The following LPCAT2 variants were observed in gnomAD, a reference collection of about 807,000 sequenced individuals.
The protein encoded by LPCAT2 is lysophosphatidylcholine acyltransferase 2, also known as 1-AGP acyltransferase 11.
Under a neutral mutation model 64.7 loss-of-function variants are expected in LPCAT2, and 58 were observed. The ratio of observed to expected loss-of-function variants is 0.90; its 90% CI spans 0.73 to 1.12. The LOEUF is 1.12. Among genes scored for constraint, LPCAT2 ranks in the 50% most tolerant of loss-of-function variants. The probability of loss-of-function intolerance (pLI) is 0.00; values close to 1 mark genes in which losing one functional copy is unlikely to be tolerated. For synonymous variants in LPCAT2, 252 were observed against 245.3 expected (o/e 1.03, Z -0.26); for missense variants, 579 against 669.8 (o/e 0.86, Z 1.50).
intron 9 of LPCAT2, among the ~76,000 whole-genome samples, chr16:55,547,024 G>A (rs1223648018): frequency 6.6e-6 from 1 of 152,122 alleles, no homozygotes; most frequent in East Asian, 1.9e-4. Context: ...GCAAGCGCCT[G>A]TAATCCCAGC....
chr16:55,577,158 C>T (rs1274080970), intron 12 of LPCAT2, among the ~76,000 whole-genome samples: 4 of 152,262 alleles, frequency 2.6e-5, no homozygotes, highest in South Asian at 2.1e-4. Flanking sequence ...ACTATTGTAT[C>T]CCCTAACTAG....
intron 1 of LPCAT2, among the ~76,000 whole-genome samples, chr16:55,522,222 A>G (rs1490203957): frequency 1.3e-5 from 2 of 151,764 alleles, no homozygotes; most frequent in Non-Finnish European, 3.0e-5. Flanking sequence ...TTGCAAAATG[A>G]AATCAAGTAA....
chr16:55,579,010 C>T, intron 12 of LPCAT2, 99 bp from the exon 13 acceptor site: 2 of 1,091,388 alleles, frequency 1.8e-6, no homozygotes, highest in Non-Finnish European at 2.7e-6. Flanking sequence ...TAGCCCTTGC[C>T]ACAGTAGATG....
At chr16:55,561,250 C>T (rs1963632480) in intron 11 of LPCAT2, among the ~76,000 whole-genome samples, 1 of 151,702 alleles carries the variant, frequency 6.6e-6, no homozygotes, top group South Asian at 2.1e-4. Context: ...CATTTTTGGA[C>T]TATTTTGAAT....
intron 10 of LPCAT2, 150 bp from the exon 11 acceptor site, chr16:55,550,799 G>A: frequency 1.1e-5 from 6 of 551,800 alleles, no homozygotes; most frequent in Non-Finnish European, 1.8e-5. Flanking sequence ...TGTTGAATAT[G>A]TGCTTTTAAG....
At chr16:55,547,758 A>G (rs1461826720) in intron 9 of LPCAT2, among the ~76,000 whole-genome samples, 2 of 152,056 alleles carry the variant, frequency 1.3e-5, no homozygotes, top group East Asian at 3.9e-4. Context: ...TATTTTAGAT[A>G]GAAATTTTTT....
chr16:55,572,351 A>G (rs1194445004), intron 11 of LPCAT2, among the ~76,000 whole-genome samples: 2 of 152,216 alleles, frequency 1.3e-5, no homozygotes, highest in Non-Finnish European at 2.9e-5. Flanking sequence ...AATCTATGAT[A>G]GTAACTTCAG....
chr16:55,580,362 T>C (rs1330456808), intron 13 of LPCAT2, among the ~76,000 whole-genome samples: 2 of 152,180 alleles, frequency 1.3e-5, no homozygotes, highest in African/African-American at 4.8e-5. Context: ...TAAGGAAGAC[T>C]ATTACTCCAA....
chr16:55,545,941 C>T (rs1401730105), intron 9 of LPCAT2, 124 bp downstream of exon 9: 15 of 655,408 alleles, frequency 2.3e-5, no homozygotes, highest in Middle Eastern at 2.6e-4. Flanking sequence ...CATTTTGATA[C>T]GTAAAATAAT....
chr16:55,538,853 C>G (rs1442349082), intron 8 of LPCAT2: 1 of 151,822 alleles, frequency 6.6e-6, no homozygotes, highest in Non-Finnish European at 1.5e-5. Flanking sequence ...CTTACAGAAC[C>G]TTTTTCTCTA....
Position 55,529,868 on chromosome 16 carries a change from C to T in LPCAT2, c.563C>T (p.Ser188Phe), listed in dbSNP as rs1263720120. 6.2e-7 allele frequency: 1 copy of T among 1,611,944 alleles called. No individual in the cohort carries two copies. Among genetic ancestry groups the T allele is most frequent in the Non-Finnish European group, 8.5e-7 (1 of 1,179,218 alleles). ...CGGGCTGTGCAACCAGTTTTGGTGT[C>T]CCGTGTAGATCCGGATTCCCGAAAA... Reference protein sequence around the residue: ...LLRAVQPVLVSRVDPDSRKNT... With the variant: ...LLRAVQPVLVFRVDPDSRKNT... Residue 188 changes from serine to phenylalanine, a missense_variant, in exon 4 of 14, where the codon TCC becomes TTC. Coordinates refer to ENST00000262134, the MANE Select transcript of LPCAT2 (RefSeq NM_017839.5).
intron 1 of LPCAT2, among the ~76,000 whole-genome samples, chr16:55,520,356 A>G (rs1239390375): frequency 2.0e-5 from 3 of 152,108 alleles, no homozygotes; most frequent in East Asian, 1.9e-4. Context: ...TATGTACGTA[A>G]TATCAGAACT....
At chr16:55,576,741 A>C (rs1963831836) in intron 12 of LPCAT2, among the ~76,000 whole-genome samples, 1 of 152,126 alleles carries the variant, frequency 6.6e-6, no homozygotes, top group Non-Finnish European at 1.5e-5. Context: ...AAGGAAACTG[A>C]GGTGTTAAAC....
intron 11 of LPCAT2, among the ~76,000 whole-genome samples, chr16:55,570,302 G>T (rs974722508): frequency 2.6e-5 from 4 of 152,192 alleles, no homozygotes; most frequent in African/African-American, 9.6e-5. Flanking sequence ...TTAAAAGTTG[G>T]TTTATCTAGC....
In LPCAT2 at chr16:55,529,816, C is replaced by G. The variant is rs144414832; in HGVS notation, c.530-19C>G. On this transcript the variant is annotated intron_variant, in intron 3 of 13. Transcript: ENST00000262134. The stretch of plus-strand genomic sequence containing the variant: ...TAGCCAAAAAATGGCTTGCCTGTAA[C>G]TTTTCATTTGTTTTAAAGGACTGTT... 1 of 1,547,790 alleles carries G rather than the reference C, an allele frequency of 6.5e-7. No individual in the cohort carries two copies. Among genetic ancestry groups the G allele is most frequent in the African/African-American group, 1.4e-5 (1 of 73,280 alleles).
intron 1 of LPCAT2, among the ~76,000 whole-genome samples, chr16:55,519,112 C>T (rs1963055201): frequency 6.6e-6 from 1 of 151,894 alleles, no homozygotes; most frequent in African/African-American, 2.4e-5. Context: ...ACCCATAATC[C>T]TGTATCTAAT....
chr16:55,546,178 G>A (rs1015766266), intron 9 of LPCAT2, among the ~76,000 whole-genome samples: 1 of 151,872 alleles, frequency 6.6e-6, no homozygotes, highest in Non-Finnish European at 1.5e-5. Flanking sequence ...CTATCCCTTC[G>A]ACTATAGCAC....
Position 55,535,313 on chromosome 16 carries a change from A to G in LPCAT2, c.797+836A>G, listed in dbSNP as rs182658397. On this transcript the variant is annotated intron_variant, in intron 7 of 13. Transcript: ENST00000262134. ...TTAAGCACATTGTAGGCTTTTTTAG[A>G]TAACTTCAACGTAATCCAACCAACT... is the stretch of plus-strand genomic sequence containing the variant. 4.2e-3 allele frequency among the ~76,000 whole-genome samples: 634 copies of G among 152,300 alleles called. 4 individuals carry two copies. The highest frequency in any genetic ancestry group is 0.014 in the African/African-American group (597 of 41,580).
At chr16:55,580,533 A>G (rs1198691175) in intron 13 of LPCAT2, among the ~76,000 whole-genome samples, 6 of 152,160 alleles carry the variant, frequency 3.9e-5, no homozygotes, top group African/African-American at 1.4e-4. Context: ...AGAATACAGA[A>G]TATCTCCCCT....
Sources: allele counts gnomAD v4.1 joint callset (sites outside exome capture counted in the v4.1 genomes callset), GRCh38; gene constraint gnomAD v4.1.1; transcripts MANE v1.5; gene names NCBI Gene and HGNC (gene_info 2026-07-23, HGNC 2026-07-21).